The following TMEM178B variants were observed in gnomAD, a reference collection of about 807,000 sequenced individuals.
TMEM178B encodes transmembrane protein 178B.
TMEM178B carries 5 observed loss-of-function variants against 31.0 expected under a neutral mutation model. The ratio of observed to expected loss-of-function variants is 0.16; its 90% confidence interval spans 0.08 to 0.34. The LOEUF (loss-of-function observed/expected upper bound fraction) is 0.34. TMEM178B is among the 10% of genes least tolerant of loss of function. The pLI is 1.00. For synonymous variants in TMEM178B, 164 were observed against 164.0 expected, an observed-to-expected ratio of 1.00 and a Z score of 0.00; for missense variants, 275 against 400.3, an observed-to-expected ratio of 0.69 and a Z score of 2.67.
intron 1 of TMEM178B, among the ~76,000 whole-genome samples, chr7:141,102,718 G>A (rs1795078791): frequency 6.6e-6 from 1 of 152,156 alleles, no homozygotes; most frequent in South Asian, 2.1e-4. Flanking sequence ...GGAGTACAGT[G>A]TATTTTAATC....
intron 1 of TMEM178B, among the ~76,000 whole-genome samples, chr7:141,100,584 T>C (rs1563087659): frequency 6.6e-6 from 1 of 152,168 alleles, no homozygotes; most frequent in African/African-American, 2.4e-5. Flanking sequence ...TTACAGAAGT[T>C]CCAATACACC....
At position 141,400,611 on chromosome 7, in the gene TMEM178B, T is replaced by C. The variant is rs1586935834; in HGVS notation, c.497-36997T>C. 3.9e-5 allele frequency among the ~76,000 whole-genome samples: 6 copies of C among 152,314 alleles called. No individual in the cohort carries two copies. In the South Asian group the frequency reaches 1.2e-3, roughly 32 times the overall value. Reference sequence around the variant, plus strand: ...CTGGCAGCTTTACATCAGAGTTAAGTCTTTCACGTAATTCTGTCAAAAGGT... The same window carrying C: ...CTGGCAGCTTTACATCAGAGTTAAGCCTTTCACGTAATTCTGTCAAAAGGT... On this transcript the variant is annotated intron_variant, in intron 2 of 3. Transcript: ENST00000565468.
intron 1 of TMEM178B, among the ~76,000 whole-genome samples, chr7:141,155,526 C>G (rs546838836): frequency 2.6e-5 from 4 of 152,328 alleles, no homozygotes; most frequent in Admixed American, 2.6e-4. Flanking sequence ...GCTGTTGGCA[C>G]AGGCTGGCTC....
intron 2 of TMEM178B, among the ~76,000 whole-genome samples, chr7:141,324,541 G>A (rs1450263334): frequency 6.7e-6 from 1 of 148,950 alleles, no homozygotes; most frequent in Admixed American, 6.8e-5. Context: ...AGGGGCTTCA[G>A]GAGCTGAGTT....
At chr7:141,214,707 G>T (rs1425591797) in intron 2 of TMEM178B, among the ~76,000 whole-genome samples, 1 of 152,116 alleles carries the variant, frequency 6.6e-6, no homozygotes, top group African/African-American at 2.4e-5. Context: ...GCCAAGCTTT[G>T]TGGGGTCTTC....
At chr7:141,414,586 T>A (rs904839168) in intron 2 of TMEM178B, 3 of 152,638 alleles carry the variant, frequency 2.0e-5, no homozygotes, top group Non-Finnish European at 1.5e-5. Context: ...CACTAGAGAG[T>A]ATCTGCAAAT....
intron 1 of TMEM178B, among the ~76,000 whole-genome samples, chr7:141,176,075 C>G (rs1006686197): frequency 6.6e-6 from 1 of 152,126 alleles, no homozygotes; most frequent in Non-Finnish European, 1.5e-5. Context: ...GTCCATTCAG[C>G]ATGATATTGG....
intron 2 of TMEM178B, among the ~76,000 whole-genome samples, chr7:141,420,647 G>A (rs1190398100): frequency 6.6e-6 from 1 of 152,174 alleles, no homozygotes; most frequent in African/African-American, 2.4e-5. Context: ...TGGAGAGAAG[G>A]AAGCACTGCC....
At chr7:141,442,352 C>T (rs1801676636) in intron 3 of TMEM178B, among the ~76,000 whole-genome samples, 1 of 152,198 alleles carries the variant, frequency 6.6e-6, no homozygotes, top group African/African-American at 2.4e-5. Flanking sequence ...CCACTCTGGC[C>T]ACCCTGCAAT....
chr7:141,308,710 ACCATGCAT>A (rs1268050324), intron 2 of TMEM178B, among the ~76,000 whole-genome samples: 1 of 152,100 alleles, frequency 6.6e-6, no homozygotes, highest in African/African-American at 2.4e-5. Flanking sequence ...CAGCATGAAA[ACCATGCAT>A]CCGGCCCAAC....
the TMEM178B span, among the ~76,000 whole-genome samples, chr7:141,495,183 T>G: frequency 1.3e-5 from 2 of 152,120 alleles, no homozygotes; most frequent in African/African-American, 2.4e-5. Context: ...ACATGGGGAT[T>G]AAGAGACCAG....
Position 141,233,537 on chromosome 7 carries a change from G to A in TMEM178B, c.496+20833G>A, listed in dbSNP as rs992742415. Among the ~76,000 whole-genome samples, 5 of 152,046 alleles carry A rather than the reference G, an allele frequency of 3.3e-5. No homozygotes were observed. In the South Asian group the frequency reaches 6.2e-4, roughly 19 times the overall value. ...CCTTCTCAGGGTTCCTATGCATTTC[G>A]GCACAGGCACCTGTTAAGAGCTAGA... On this transcript the variant is annotated intron_variant, in intron 2 of 3. Transcript: ENST00000565468.
chr7:141,156,763 G>A (rs751597297), intron 1 of TMEM178B, among the ~76,000 whole-genome samples: 1 of 152,216 alleles, frequency 6.6e-6, no homozygotes, highest in Non-Finnish European at 1.5e-5. Context: ...AGCCTGCAGG[G>A]AATTCCTTTG....
intron 2 of TMEM178B, among the ~76,000 whole-genome samples, chr7:141,279,462 G>A (rs7789665): frequency 0.024 from 3,601 of 152,260 alleles, 95 homozygotes; most frequent in African/African-American, 0.062. Flanking sequence ...TTTAAATATT[G>A]GGAAACACTG....
At position 141,205,126 on chromosome 7, in the gene TMEM178B, G is replaced by T. The variant is rs116815794; in HGVS notation, c.383-7465G>T. On this transcript the variant is annotated intron_variant, in intron 1 of 3. Coordinates refer to ENST00000565468, the MANE Select transcript of TMEM178B (RefSeq NM_001195278.2). ...CAGGCTGAGCCATGGCACTTCGACTGATTTCGATAAACTCTGTCTAGTGCT... is the reference window on the plus strand; with the variant it reads ...CAGGCTGAGCCATGGCACTTCGACTTATTTCGATAAACTCTGTCTAGTGCT... 2.4e-3 allele frequency among the ~76,000 whole-genome samples: 367 copies of T among 152,296 alleles called. 1 individual carries two copies. The highest frequency in any genetic ancestry group is 8.5e-3 in the African/African-American group (354 of 41,560).
chr7:141,468,741 G>A (rs770304541), intron 3 of TMEM178B, among the ~76,000 whole-genome samples: 14 of 152,156 alleles, frequency 9.2e-5, no homozygotes, highest in Non-Finnish European at 1.3e-4. Flanking sequence ...GTTTAGGACC[G>A]GAGGTTTAAT....
intron 2 of TMEM178B, among the ~76,000 whole-genome samples, chr7:141,392,590 C>T (rs1227822847): frequency 6.6e-6 from 1 of 152,168 alleles, no homozygotes; most frequent in African/African-American, 2.4e-5. Flanking sequence ...TCCCTAACAT[C>T]ACCCATGCCT....
intron 1 of TMEM178B, among the ~76,000 whole-genome samples, chr7:141,135,768 A>G (rs983644119): frequency 1.3e-5 from 2 of 152,200 alleles, no homozygotes; most frequent in Non-Finnish European, 2.9e-5. Context: ...ATAAATGCCT[A>G]TATCGAAAAA....
chr7:141,488,914 G>A, the TMEM178B span, among the ~76,000 whole-genome samples: 33 of 152,066 alleles, frequency 2.2e-4, no homozygotes, highest in East Asian at 6.4e-3. Context: ...TCCCCCGTTG[G>A]AGAAAATAAG....
Sources: allele counts gnomAD v4.1 joint callset (sites outside exome capture counted in the v4.1 genomes callset), GRCh38; gene constraint gnomAD v4.1.1; transcripts MANE v1.5; gene names NCBI Gene and HGNC (gene_info 2026-07-23, HGNC 2026-07-21).